Variants in CSMD1 observed in about 807,000 individuals in gnomAD.
The protein encoded by CSMD1 is CUB and Sushi multiple domains 1.
In CSMD1, 213 loss-of-function variants were observed where a neutral mutation model predicts 417.5. That is an observed-to-expected ratio of 0.51 (90% CI 0.46 to 0.57). CSMD1 has a LOEUF of 0.57. Among genes scored for constraint, CSMD1 ranks in the 20% least tolerant of loss-of-function variants. CSMD1 has a pLI of 0.00. For synonymous variants in CSMD1, 2,862 were observed against 1,736.8 expected, an observed-to-expected ratio of 1.65 and a Z score of -16.11; for missense variants, 6,923 against 4,529.7, an observed-to-expected ratio of 1.53 and a Z score of -15.17.
chr8:3,665,329 A>G (rs1253864982), intron 7 of CSMD1, among the ~76,000 whole-genome samples: 3 of 152,158 alleles, frequency 2.0e-5, no homozygotes, highest in Non-Finnish European at 2.9e-5. Flanking sequence ...CAGGAGTTCG[A>G]GACCAGCCTG....
At chr8:3,962,134 G>A (rs1424525580) in intron 5 of CSMD1, among the ~76,000 whole-genome samples, 3 of 152,118 alleles carry the variant, frequency 2.0e-5, no homozygotes, top group African/African-American at 4.8e-5. Flanking sequence ...TCTGTGTCCA[G>A]CCCACACCTG....
chr8:3,635,982 T>C (rs953651480), intron 7 of CSMD1, among the ~76,000 whole-genome samples: 1 of 152,162 alleles, frequency 6.6e-6, no homozygotes, highest in Non-Finnish European at 1.5e-5. Flanking sequence ...TCTTTTGTAA[T>C]AACACTTAGC....
chr8:3,962,666 A>C (rs571400371), intron 5 of CSMD1, among the ~76,000 whole-genome samples: 1 of 152,248 alleles, frequency 6.6e-6, no homozygotes, highest in Non-Finnish European at 1.5e-5. Context: ...AGATATGGAA[A>C]TCAGAGCAGC....
intron 1 of CSMD1, among the ~76,000 whole-genome samples, chr8:4,938,861 A>G (rs1807797395): frequency 1.3e-5 from 2 of 152,182 alleles, no homozygotes; most frequent in African/African-American, 4.8e-5. Context: ...GATGTTACTC[A>G]GTGGTTTTAA....
chr8:4,497,566 A>G (rs1443059233), intron 2 of CSMD1, among the ~76,000 whole-genome samples: 1 of 152,194 alleles, frequency 6.6e-6, no homozygotes, highest in Non-Finnish European at 1.5e-5. Context: ...GGAAAGACGG[A>G]TGAGTGGAGT....
At chr8:3,120,155 G>C (rs1383392736) in intron 41 of CSMD1, among the ~76,000 whole-genome samples, 1 of 152,220 alleles carries the variant, frequency 6.6e-6, no homozygotes, top group Admixed American at 6.5e-5. Flanking sequence ...CAGGACCTGA[G>C]AAAAAGAGAG....
chr8:4,167,216 A>C (rs1449659968), intron 3 of CSMD1, among the ~76,000 whole-genome samples: 1 of 152,164 alleles, frequency 6.6e-6, no homozygotes, highest in African/African-American at 2.4e-5. Flanking sequence ...TAACTTGGAA[A>C]ATCCTGATTT....
intron 1 of CSMD1, among the ~76,000 whole-genome samples, chr8:4,907,929 A>G (rs1563734798): frequency 1.3e-5 from 2 of 152,176 alleles, no homozygotes; most frequent in African/African-American, 4.8e-5. Flanking sequence ...GTGAGTTAAA[A>G]TCATTTGATA....
intron 17 of CSMD1, among the ~76,000 whole-genome samples, chr8:3,394,274 A>T (rs931653184): frequency 1.4e-5 from 2 of 147,252 alleles, no homozygotes; most frequent in African/African-American, 4.9e-5. Context: ...TGTATTCCAT[A>T]TTTTATAATA....
At chr8:4,250,151 T>C (rs1802965105) in intron 3 of CSMD1, among the ~76,000 whole-genome samples, 1 of 152,182 alleles carries the variant, frequency 6.6e-6, no homozygotes. Flanking sequence ...TTTGAGCTTC[T>C]CAGCCTCTAG....
chr8:3,280,825 T>C (rs1442001329), intron 26 of CSMD1, among the ~76,000 whole-genome samples: 2 of 152,080 alleles, frequency 1.3e-5, no homozygotes, highest in African/African-American at 4.8e-5. Flanking sequence ...TCCATGATCC[T>C]CAAATAATTA....
At chr8:4,942,277 A>C (rs1808055638) in intron 1 of CSMD1, among the ~76,000 whole-genome samples, 1 of 152,106 alleles carries the variant, frequency 6.6e-6, no homozygotes, top group Admixed American at 6.5e-5. Flanking sequence ...CCATCTTGAT[A>C]AAACTATGAT....
intron 2 of CSMD1, among the ~76,000 whole-genome samples, chr8:4,460,768 T>G (rs899717026): frequency 6.6e-6 from 1 of 151,550 alleles, no homozygotes; most frequent in Non-Finnish European, 1.5e-5. Flanking sequence ...AGACCTCAAG[T>G]AAAGGTAGTA....
At chr8:4,043,887 G>A (rs938769296) in intron 3 of CSMD1, among the ~76,000 whole-genome samples, 4 of 152,100 alleles carry the variant, frequency 2.6e-5, no homozygotes, top group Non-Finnish European at 4.4e-5. Flanking sequence ...ACTCAGTTAA[G>A]ATAACACAGA....
intron 1 of CSMD1, among the ~76,000 whole-genome samples, chr8:4,638,114 G>A (rs774795384): frequency 7.9e-5 from 12 of 152,182 alleles, no homozygotes; most frequent in Non-Finnish European, 1.3e-4. Flanking sequence ...GTTTAGGGAA[G>A]TTCTTTATCC....
chr8:4,626,469 G>A (rs1428623076), intron 2 of CSMD1, among the ~76,000 whole-genome samples: 1 of 152,040 alleles, frequency 6.6e-6, no homozygotes, highest in Non-Finnish European at 1.5e-5. Flanking sequence ...GTGTGAGATG[G>A]GTGCAACATT....
At chr8:3,997,593 A>T (rs184801958) in intron 5 of CSMD1, among the ~76,000 whole-genome samples, 1 of 152,340 alleles carries the variant, frequency 6.6e-6, no homozygotes, top group East Asian at 1.9e-4. Flanking sequence ...ACAGTGAAAC[A>T]GCTTCAGACC....
chr8:4,749,993 G>C (rs1012772187), intron 1 of CSMD1, among the ~76,000 whole-genome samples: 17 of 149,810 alleles, frequency 1.1e-4, no homozygotes, highest in Admixed American at 8.0e-4. Context: ...TTGTTTAATT[G>C]AAAAAAAAAT....
intron 10 of CSMD1, among the ~76,000 whole-genome samples, chr8:3,552,917 C>A (rs763105551): frequency 6.6e-6 from 1 of 151,848 alleles, no homozygotes. Context: ...TAATGGAGAT[C>A]GGAAATCTGT....
Sources: gnomAD v4.1 joint callset for allele counts (sites outside exome capture counted in the v4.1 genomes callset) on GRCh38, gnomAD v4.1.1 for gene constraint, MANE v1.5 for transcripts, NCBI Gene and HGNC (gene_info 2026-07-23, HGNC 2026-07-21) for gene names.